PDE1C: variants seen among roughly 807,000 people sequenced by gnomAD.
PDE1C encodes the protein phosphodiesterase 1C.
PDE1C carries 62 observed loss-of-function variants against 93.1 expected under a neutral mutation model. That is an observed-to-expected ratio of 0.67 (90% CI 0.54 to 0.82). The LOEUF is 0.82. Ranked by LOEUF, PDE1C falls within the 40% of genes least tolerant of loss-of-function variation. The pLI, the probability that PDE1C is intolerant of heterozygous loss-of-function variation, is 0.00. For missense variants in PDE1C, 742 were observed against 884.6 expected (o/e 0.84, Z 2.04); for synonymous variants, 325 against 310.1 (o/e 1.05, Z -0.50).
chr7:31,965,209 A>C (rs935327581), intron 2 of PDE1C, among the ~76,000 whole-genome samples: 38 of 110,212 alleles, frequency 3.4e-4, no homozygotes, highest in African/African-American at 1.6e-3. Context: ...AAAAACCTTG[A>C]AAAAAAATTA....
intron 1 of PDE1C, among the ~76,000 whole-genome samples, chr7:32,392,877 C>G (rs945860659): frequency 3.3e-5 from 5 of 151,606 alleles, no homozygotes; most frequent in Non-Finnish European, 5.9e-5. Flanking sequence ...GCAGAAACCC[C>G]GTCTCTACTA....
chr7:32,027,300 C>G (rs780563545), intron 2 of PDE1C, among the ~76,000 whole-genome samples: 1 of 152,038 alleles, frequency 6.6e-6, no homozygotes, highest in Non-Finnish European at 1.5e-5. Context: ...GTACCTTCCT[C>G]TCACTTTTGC....
intron 1 of PDE1C, among the ~76,000 whole-genome samples, chr7:32,336,285 C>A (rs896673816): frequency 6.6e-5 from 10 of 152,126 alleles, no homozygotes; most frequent in African/African-American, 2.4e-4. Context: ...GTGGGAGAAT[C>A]TTCTATATAT....
chr7:31,944,473 C>T (rs1267988279), intron 2 of PDE1C, among the ~76,000 whole-genome samples: 1 of 152,188 alleles, frequency 6.6e-6, no homozygotes, highest in East Asian at 1.9e-4. Flanking sequence ...AATTGGCCCA[C>T]CAGTGGATCT....
chr7:32,014,297 C>T (rs1434550408), intron 2 of PDE1C, among the ~76,000 whole-genome samples: 1 of 41,198 alleles, frequency 2.4e-5, no homozygotes, highest in South Asian at 7.2e-4. Context: ...AAAGCTATAA[C>T]GTCAAAAAAA....
intron 1 of PDE1C, among the ~76,000 whole-genome samples, chr7:32,220,345 T>G (rs1422232390): frequency 6.6e-6 from 1 of 152,194 alleles, no homozygotes; most frequent in Non-Finnish European, 1.5e-5. Flanking sequence ...TTCACACTGT[T>G]CCAGGAGGTA....
chr7:32,375,622 A>G (rs1314500675), intron 1 of PDE1C, among the ~76,000 whole-genome samples: 1 of 152,216 alleles, frequency 6.6e-6, no homozygotes, highest in South Asian at 2.1e-4. Context: ...CCAAAATGCC[A>G]ACAGTGGCCA....
At chr7:31,776,045 AC>A (rs35534994) in intron 16 of PDE1C, among the ~76,000 whole-genome samples, 22,159 of 152,052 alleles carry the variant, frequency 0.15, 1,902 homozygotes, top group Non-Finnish European at 0.19. Flanking sequence ...CCTGGGCGTC[AC>A]CCCCACAGTA....
chr7:32,282,485 A>AATAGATAGCCAGATAGATAGATAGATAG (rs376678996), intron 1 of PDE1C, among the ~76,000 whole-genome samples: 3 of 143,860 alleles, frequency 2.1e-5, no homozygotes, highest in East Asian at 2.1e-4. Context: ...TCAAAAAAAA[A>AATAGATAGCCAGATAGATAGATAGATAG]ATAGATAGAT....
chr7:32,095,647 A>G (rs548489487), intron 3 of PDE1C, among the ~76,000 whole-genome samples: 24 of 152,292 alleles, frequency 1.6e-4, no homozygotes, highest in South Asian at 1.0e-3. Context: ...TCCTTTCAAT[A>G]TACCAAATAT....
intron 1 of PDE1C, among the ~76,000 whole-genome samples, chr7:32,256,765 T>C (rs1010880220): frequency 6.6e-6 from 1 of 152,188 alleles, no homozygotes; most frequent in African/African-American, 2.4e-5. Context: ...ACAGAGGCAA[T>C]AACATCTATT....
At chr7:31,846,634 GTAAT>G (rs1792647415) in intron 9 of PDE1C, among the ~76,000 whole-genome samples, 1 of 152,028 alleles carries the variant, frequency 6.6e-6, no homozygotes, top group Admixed American at 6.6e-5. Flanking sequence ...CAAATGGGAT[GTAAT>G]TAAACTAAAG....
the PDE1C span, among the ~76,000 whole-genome samples, chr7:31,628,889 G>A: frequency 8.5e-4 from 130 of 152,244 alleles, no homozygotes; most frequent in Middle Eastern, 0.01. Flanking sequence ...CAATCAACCA[G>A]TGGACTCAAC....
At chr7:31,968,949 T>A (rs1810476047) in intron 2 of PDE1C, among the ~76,000 whole-genome samples, 1 of 152,152 alleles carries the variant, frequency 6.6e-6, no homozygotes. Context: ...TGAAACTGGA[T>A]CCCTTCCTTA....
At chr7:31,950,437 T>C (rs958996556) in intron 2 of PDE1C, among the ~76,000 whole-genome samples, 1 of 152,166 alleles carries the variant, frequency 6.6e-6, no homozygotes, top group Non-Finnish European at 1.5e-5. Flanking sequence ...CATACTCTCA[T>C]GGCACCCCAA....
chr7:31,822,180 C>A (rs968852991), intron 14 of PDE1C, among the ~76,000 whole-genome samples: 20 of 152,140 alleles, frequency 1.3e-4, no homozygotes, highest in African/African-American at 4.8e-4. Context: ...CCGGGCACAA[C>A]CTGGCACACA....
chr7:31,639,736 CTG>C, the PDE1C span, among the ~76,000 whole-genome samples: 1 of 151,922 alleles, frequency 6.6e-6, no homozygotes, highest in South Asian at 2.1e-4. Flanking sequence ...CGGGGTTTCA[CTG>C]TGTTAGCCAG....
At chr7:31,997,487 T>C (rs1292860732) in intron 2 of PDE1C, among the ~76,000 whole-genome samples, 1 of 152,118 alleles carries the variant, frequency 6.6e-6, no homozygotes, top group African/African-American at 2.4e-5. Context: ...ACTACAATGG[T>C]CTGAATAAAT....
intron 2 of PDE1C, among the ~76,000 whole-genome samples, chr7:32,033,976 T>C (rs552648566): frequency 6.6e-6 from 1 of 152,026 alleles, no homozygotes; most frequent in Non-Finnish European, 1.5e-5. Flanking sequence ...ATCAGCTTAC[T>C]GGGTTATAGC....
Sources: gnomAD v4.1 joint callset for allele counts (sites outside exome capture counted in the v4.1 genomes callset) on GRCh38, gnomAD v4.1.1 for gene constraint, MANE v1.5 for transcripts, NCBI Gene and HGNC (gene_info 2026-07-23, HGNC 2026-07-21) for gene names.